Variants in LDLRAD4 observed in about 807,000 individuals in gnomAD.
LDLRAD4 encodes low-density lipoprotein receptor class A domain-containing protein 4.
In LDLRAD4, 5 loss-of-function variants were observed where a neutral mutation model predicts 17.0. The ratio of observed to expected loss-of-function variants is 0.29; its 90% confidence interval spans 0.15 to 0.62. The LOEUF (loss-of-function observed/expected upper bound fraction) is 0.62. Among genes scored for constraint, LDLRAD4 ranks in the 20% least tolerant of loss-of-function variants. The pLI is 0.84. For synonymous variants in LDLRAD4, 168 were observed against 171.8 expected, an observed-to-expected ratio of 0.98 and a Z score of 0.17; for missense variants, 340 against 424.7, an observed-to-expected ratio of 0.80 and a Z score of 1.75.
chr18:13,569,360 A>T (rs573691582), intron 3 of LDLRAD4, among the ~76,000 whole-genome samples: 1 of 152,246 alleles, frequency 6.6e-6, no homozygotes, highest in Non-Finnish European at 1.5e-5. Flanking sequence ...TCTTGTCTCT[A>T]TAGAAAAACT....
intron 2 of LDLRAD4, among the ~76,000 whole-genome samples, chr18:13,389,463 G>A (rs1040703244): frequency 5.3e-5 from 8 of 152,188 alleles, no homozygotes; most frequent in African/African-American, 1.4e-4. Context: ...CACACCCCAG[G>A]AGGCAGCTGG....
At chr18:13,582,813 A>G (rs2094881691) in intron 3 of LDLRAD4, among the ~76,000 whole-genome samples, 1 of 152,226 alleles carries the variant, frequency 6.6e-6, no homozygotes, top group South Asian at 2.1e-4. Flanking sequence ...CCCAGGCGCA[A>G]GCAAACTTCC....
chr18:13,404,186 C>T (rs1490032637), intron 2 of LDLRAD4, among the ~76,000 whole-genome samples: 1 of 152,222 alleles, frequency 6.6e-6, no homozygotes, highest in Non-Finnish European at 1.5e-5. Context: ...AGGATGGAAC[C>T]CTTCCTTGAG....
Position 13,555,467 on chromosome 18 carries a change from G to T in LDLRAD4, c.182-65650G>T, listed in dbSNP as rs956908. Among the ~76,000 whole-genome samples, 791 of 152,008 alleles carry T rather than the reference G, an allele frequency of 5.2e-3. 7 individuals are homozygous for T. The highest frequency in any genetic ancestry group is 6.1e-3 in the Non-Finnish European group (417 of 67,974). Reference sequence around the variant, plus strand: ...TCTCTTTGTAGAAATGATTCAGCTGGTTTACTTTTGATTAAAGAGCTTATG... The same window carrying T: ...TCTCTTTGTAGAAATGATTCAGCTGTTTTACTTTTGATTAAAGAGCTTATG... On this transcript the variant is annotated intron_variant, in intron 3 of 5. Coordinates refer to ENST00000359446, the Ensembl canonical transcript of LDLRAD4.
chr18:13,474,628 A>C (rs918326490), intron 3 of LDLRAD4, among the ~76,000 whole-genome samples: 1 of 152,188 alleles, frequency 6.6e-6, no homozygotes, highest in Admixed American at 6.6e-5. Flanking sequence ...ACTGGGATGG[A>C]AGTGAAGCCA....
chr18:13,348,407 G>A (rs976762625), intron 1 of LDLRAD4, among the ~76,000 whole-genome samples: 2 of 152,294 alleles, frequency 1.3e-5, no homozygotes, highest in South Asian at 4.1e-4. Context: ...AACAGCAAAT[G>A]TTGCTGCCCG....
chr18:13,583,860 G>C (rs2148471341), intron 3 of LDLRAD4, among the ~76,000 whole-genome samples: 1 of 152,282 alleles, frequency 6.6e-6, no homozygotes, highest in African/African-American at 2.4e-5. Flanking sequence ...TGAATGTCAG[G>C]CTCAGAGGGA....
intron 3 of LDLRAD4, among the ~76,000 whole-genome samples, chr18:13,540,751 C>T (rs530127054): frequency 1.6e-4 from 24 of 152,314 alleles, no homozygotes; most frequent in South Asian, 4.1e-4. Flanking sequence ...TTAGTTACAG[C>T]GTGTCAGAAG....
rs2040711988 is a variant in LDLRAD4 at position 13,622,103 on chromosome 18, G to T, written c.336+832G>T. ...CTGCGGTATGCTGAGCACAGGAGCC[G>T]GTCCTTACGGAGCATCCCTCTTCAG... On this transcript the variant is annotated intron_variant, in intron 4 of 5. Coordinates refer to ENST00000359446, the Ensembl canonical transcript of LDLRAD4. This position sits in a 1 kb window ranked among gnomAD's most constrained non-coding sequence, Gnocchi z 5.3. Among the ~76,000 whole-genome samples, 1 of 152,172 alleles carries T rather than the reference G, an allele frequency of 6.6e-6. No homozygotes were observed. Among genetic ancestry groups the T allele is most frequent in the Admixed American group, 6.5e-5 (1 of 15,278 alleles).
chr18:13,324,807 A>G (rs1218975242), intron 1 of LDLRAD4, among the ~76,000 whole-genome samples: 2 of 152,166 alleles, frequency 1.3e-5, no homozygotes, highest in Non-Finnish European at 2.9e-5. Context: ...TTATTTAAAG[A>G]GGAAAGAGCA....
intron 3 of LDLRAD4, chr18:13,615,902 C>T (rs757736319): frequency 1.3e-5 from 2 of 150,320 alleles, no homozygotes; most frequent in Non-Finnish European, 2.9e-5. Flanking sequence ...AACAAGGAAA[C>T]TCAACCAGTG....
At position 13,569,840 on chromosome 18, in the gene LDLRAD4, G is replaced by A. The variant is rs1333162295; in HGVS notation, c.182-51277G>A. Among the ~76,000 whole-genome samples the A allele has an allele frequency of 3.3e-5, 5 of 152,182 alleles. No homozygotes were observed. The East Asian group carries it at 5.8e-4, about 18-fold the overall frequency. On this transcript the variant is annotated intron_variant, in intron 3 of 5. Transcript: ENST00000359446. ...GCAGAGGTTGCAGTGAGCCAATATCGTGCCACCGCACTGCAGCCTGGGTGA... is the reference window on the plus strand; with the variant it reads ...GCAGAGGTTGCAGTGAGCCAATATCATGCCACCGCACTGCAGCCTGGGTGA...
chr18:13,575,734 T>A (rs1372958300), intron 3 of LDLRAD4, among the ~76,000 whole-genome samples: 1 of 152,250 alleles, frequency 6.6e-6, no homozygotes, highest in Non-Finnish European at 1.5e-5. Flanking sequence ...CGCCAACATC[T>A]GTTATTTTTT....
At chr18:13,220,286 C>T (rs565134808) in intron 1 of LDLRAD4, among the ~76,000 whole-genome samples, 1 of 152,322 alleles carries the variant, frequency 6.6e-6, no homozygotes, top group East Asian at 1.9e-4. Context: ...TACCTTCCTC[C>T]CTTGTTTTAA....
chr18:13,326,950 G>A (rs997935620), intron 1 of LDLRAD4, among the ~76,000 whole-genome samples: 2 of 152,154 alleles, frequency 1.3e-5, no homozygotes, highest in African/African-American at 4.8e-5. Flanking sequence ...GTGTAAAATA[G>A]CAGGTGCTGA....
chr18:13,442,779 G>C (rs761795713), intron 3 of LDLRAD4, among the ~76,000 whole-genome samples: 4 of 152,200 alleles, frequency 2.6e-5, no homozygotes, highest in Non-Finnish European at 4.4e-5. Context: ...TAATTGAGTG[G>C]TCTGTGCAGC....
intron 2 of LDLRAD4, among the ~76,000 whole-genome samples, chr18:13,430,166 G>A (rs1233704215): frequency 1.3e-5 from 2 of 152,174 alleles, no homozygotes; most frequent in Non-Finnish European, 2.9e-5. Context: ...TCCCATTTTG[G>A]GGCCCACGTT....
At chr18:13,276,358 T>C (rs755412281), upstream of LDLRAD4, among the ~76,000 whole-genome samples, 12 of 152,206 alleles carry the variant, frequency 7.9e-5, no homozygotes, top group African/African-American at 2.4e-4. Flanking sequence ...AACAAATTAT[T>C]ATAAACTTAG....
chr18:13,300,834 G>C lies in LDLRAD4; in HGVS notation c.-383+22646G>C, dbSNP rs1038172353. On this transcript the variant is annotated intron_variant, in intron 1 of 5. Coordinates refer to ENST00000359446, the Ensembl canonical transcript of LDLRAD4. This position sits in a 1 kb window ranked among gnomAD's most constrained non-coding sequence, Gnocchi z 4.2. ...CTGAGGCTGAACAGACACCTCTCAT[G>C]ATCAGAGATGGGGTGTGGGAAGGAA... Among the ~76,000 whole-genome samples the C allele has an allele frequency of 6.6e-6, 1 of 152,222 alleles. No individual in the cohort carries two copies. The highest frequency in any genetic ancestry group is 2.1e-4 in the South Asian group (1 of 4,828).
Sources: allele counts gnomAD v4.1 joint callset (sites outside exome capture counted in the v4.1 genomes callset), GRCh38; gene constraint gnomAD v4.1.1; non-coding constraint Gnocchi (gnomAD v3.1); transcripts MANE v1.5; gene names NCBI Gene and HGNC (gene_info 2026-07-23, HGNC 2026-07-21).